Variants in PTK2 observed in about 807,000 individuals in gnomAD.
PTK2 encodes the protein focal adhesion kinase 1.
In PTK2, 45 loss-of-function variants were observed where a neutral mutation model predicts 150.1. The ratio of observed to expected loss-of-function variants is 0.30; its 90% CI spans 0.24 to 0.38. The LOEUF (loss-of-function observed/expected upper bound fraction) is 0.38, where lower values mean the gene tolerates loss of function less well. PTK2 is among the 10% of genes least tolerant of loss of function. The probability of loss-of-function intolerance (pLI) is 1.00; values close to 1 mark genes in which losing one functional copy is unlikely to be tolerated. For missense variants in PTK2, 919 were observed against 1,307.3 expected, an observed-to-expected ratio of 0.70 and a Z score of 4.58; for synonymous variants, 432 against 449.2, an observed-to-expected ratio of 0.96 and a Z score of 0.48.
At chr8:140,817,019 G>C (rs1201761075) in intron 10 of PTK2, among the ~76,000 whole-genome samples, 1 of 152,098 alleles carries the variant, frequency 6.6e-6, no homozygotes, top group Non-Finnish European at 1.5e-5. Context: ...TCATTGTCTT[G>C]GGGCAGAAAT....
At chr8:140,785,083 T>C (rs1238722973) in intron 14 of PTK2, among the ~76,000 whole-genome samples, 2 of 152,204 alleles carry the variant, frequency 1.3e-5, no homozygotes, top group Non-Finnish European at 2.9e-5. Flanking sequence ...TCTCTACCCC[T>C]GCCCAACATC....
intron 4 of PTK2, among the ~76,000 whole-genome samples, chr8:140,865,542 C>A (rs2154606049): frequency 6.6e-6 from 1 of 152,254 alleles, no homozygotes; most frequent in East Asian, 1.9e-4. Flanking sequence ...AATAAAATTT[C>A]AATGCAATCT....
intron 23 of PTK2, among the ~76,000 whole-genome samples, chr8:140,711,799 C>T (rs2100037042): frequency 2.0e-5 from 3 of 152,196 alleles, no homozygotes; most frequent in Admixed American, 6.5e-5. Flanking sequence ...GTGCTTTATA[C>T]ATGCATGCAT....
At chr8:140,902,865 G>A (rs1349412639) in intron 2 of PTK2, among the ~76,000 whole-genome samples, 1 of 143,486 alleles carries the variant, frequency 7.0e-6, no homozygotes, top group Non-Finnish European at 1.5e-5. Context: ...TAGTCAGATA[G>A]ACAGATTACA....
intron 10 of PTK2, among the ~76,000 whole-genome samples, chr8:140,808,967 A>T (rs2100099820): frequency 6.6e-6 from 1 of 152,094 alleles, no homozygotes; most frequent in Non-Finnish European, 1.5e-5. Flanking sequence ...TTCTGACCTC[A>T]GGTGATCCAC....
chr8:140,901,422 T>TG (rs932908887), intron 2 of PTK2, among the ~76,000 whole-genome samples: 3 of 151,926 alleles, frequency 2.0e-5, no homozygotes, highest in Non-Finnish European at 2.9e-5. Flanking sequence ...ATAAGACAAA[T>TG]GGGATTACAT....
chr8:140,984,623 A>G (rs1157797215), intron 1 of PTK2, among the ~76,000 whole-genome samples: 1 of 152,094 alleles, frequency 6.6e-6, no homozygotes, highest in Admixed American at 6.5e-5. Flanking sequence ...GGTTAAAGGG[A>G]GCTTTCATCT....
intron 26 of PTK2, among the ~76,000 whole-genome samples, chr8:140,698,924 A>ATTTTTTTTTTTTTTTTTTTTTTTTTTGT (rs10713722): frequency 1.0e-5 from 1 of 96,202 alleles, no homozygotes; most frequent in Non-Finnish European, 2.0e-5. Flanking sequence ...TAATTTTTGT[A>ATTTTTTTTTTTTTTTTTTTTTTTTTTGT]TTTTTTTTTT....
At chr8:140,778,966 G>A (rs930128087) in intron 14 of PTK2, among the ~76,000 whole-genome samples, 1 of 152,078 alleles carries the variant, frequency 6.6e-6, no homozygotes. Context: ...AGAATGGAGA[G>A]AAGAGGTGCT....
At chr8:140,988,505 G>A (rs1027585938) in intron 1 of PTK2, among the ~76,000 whole-genome samples, 3 of 152,096 alleles carry the variant, frequency 2.0e-5, no homozygotes, top group South Asian at 2.1e-4. Context: ...CAAGGCAGGC[G>A]GATCACAAGG....
chr8:140,919,745 C>T (rs2100166698), intron 2 of PTK2, among the ~76,000 whole-genome samples: 1 of 152,010 alleles, frequency 6.6e-6, no homozygotes, highest in African/African-American at 2.4e-5. Flanking sequence ...CTTTAAAATC[C>T]AAGAGTGTAA....
At chr8:140,889,921 G>A (rs1460976996) in intron 3 of PTK2, among the ~76,000 whole-genome samples, 1 of 152,092 alleles carries the variant, frequency 6.6e-6, no homozygotes. Flanking sequence ...AGACCCAAAG[G>A]AAATCCTTTC....
chr8:140,789,202 A>G (rs1386612242), intron 14 of PTK2, among the ~76,000 whole-genome samples: 1 of 152,156 alleles, frequency 6.6e-6, no homozygotes, highest in East Asian at 1.9e-4. Flanking sequence ...TAAGATTAAC[A>G]TGATATTAAA....
At chr8:140,751,836 A>C in intron 17 of PTK2, 1 of 491,764 alleles carries the variant, frequency 2.0e-6, no homozygotes, top group Admixed American at 2.2e-5. Context: ...GGGAATGGTC[A>C]TAGAGCCCTA....
intron 4 of PTK2, among the ~76,000 whole-genome samples, chr8:140,875,009 C>T (rs759366403): frequency 1.1e-4 from 17 of 152,280 alleles, no homozygotes; most frequent in Non-Finnish European, 1.9e-4. Flanking sequence ...TATATAATAT[C>T]AGTCTTCAGA....
At chr8:140,997,330 A>G (rs531464048) in intron 1 of PTK2, among the ~76,000 whole-genome samples, 5 of 152,376 alleles carry the variant, frequency 3.3e-5, no homozygotes, top group African/African-American at 1.2e-4. Flanking sequence ...CAAAGGATCT[A>G]GAATATTGCA....
In PTK2 at chr8:140,940,373, C is replaced by T. The variant is rs557769563; in HGVS notation, c.-121-14624G>A. Among the ~76,000 whole-genome samples the T allele has an allele frequency of 4.2e-4, 64 of 152,018 alleles. 1 individual carries two copies. The South Asian group carries it at 0.012, about 29-fold the overall frequency. The stretch of plus-strand genomic sequence containing the variant: ...TGAGAGACTCAGGCAGGCCTGAACC[C>T]GGGAAACGGAGCTTGCAGTGAGATG... On this transcript the variant is annotated intron_variant, in intron 1 of 31. Coordinates refer to ENST00000522684, the Ensembl canonical transcript of PTK2.
intron 22 of PTK2, among the ~76,000 whole-genome samples, chr8:140,720,682 A>C (rs1036058530): frequency 1.3e-5 from 2 of 152,202 alleles, no homozygotes; most frequent in Admixed American, 1.3e-4. Flanking sequence ...AACTATTAGA[A>C]ATTCCCCATC....
At chr8:140,980,099 AC>A (rs1488730133) in intron 1 of PTK2, among the ~76,000 whole-genome samples, 1 of 152,222 alleles carries the variant, frequency 6.6e-6, no homozygotes, top group Non-Finnish European at 1.5e-5. Context: ...TAGGCTATGC[AC>A]ATCCATGTCT....
Sources: allele counts gnomAD v4.1 joint callset (sites outside exome capture counted in the v4.1 genomes callset), GRCh38; gene constraint gnomAD v4.1.1; transcripts MANE v1.5; gene names NCBI Gene and HGNC (gene_info 2026-07-23, HGNC 2026-07-21).